The following EYS variants were observed in gnomAD, a reference collection of about 807,000 sequenced individuals.
EYS encodes the protein EGF-like photoreceptor maintenance factor, also known as protein eyes shut homolog.
EYS carries 250 observed loss-of-function variants against 282.1 expected under a neutral mutation model. That is an observed-to-expected ratio of 0.89 (90% CI 0.80 to 0.98). The LOEUF (loss-of-function observed/expected upper bound fraction) is 0.98. Ranked by LOEUF, EYS falls within the 50% of genes least tolerant of loss-of-function variation. The pLI is 0.00. For missense variants in EYS, 4,016 were observed against 3,709.0 expected (o/e 1.08, Z -2.15); for synonymous variants, 1,355 against 1,282.9 (o/e 1.06, Z -1.20).
At chr6:64,256,238 T>G (rs2057163) in intron 30 of EYS, among the ~76,000 whole-genome samples, 104,048 of 151,456 alleles carry the variant, frequency 0.69, 35,744 homozygotes, top group South Asian at 0.71. Flanking sequence ...TAGCTCTTTT[T>G]TCCTTCATAC....
chr6:64,603,841 C>T (rs942684101), intron 24 of EYS, among the ~76,000 whole-genome samples: 11 of 150,060 alleles, frequency 7.3e-5, no homozygotes, highest in Admixed American at 5.4e-4. Context: ...GCTGTGTATA[C>T]TACTAAAGTA....
intron 30 of EYS, among the ~76,000 whole-genome samples, chr6:64,241,434 A>T (rs1179983330): frequency 6.6e-6 from 1 of 152,048 alleles, no homozygotes; most frequent in Non-Finnish European, 1.5e-5. Context: ...TCGACTATTC[A>T]GGGATTTGAC....
At chr6:63,750,921 A>C (rs988042985) in intron 41 of EYS, among the ~76,000 whole-genome samples, 1 of 152,238 alleles carries the variant, frequency 6.6e-6, no homozygotes, top group African/African-American at 2.4e-5. Context: ...GCTGACCTGC[A>C]CTTCTACTTT....
intron 12 of EYS, among the ~76,000 whole-genome samples, chr6:65,225,253 TA>T (rs1247529051): frequency 6.7e-6 from 1 of 149,882 alleles, no homozygotes; most frequent in Admixed American, 6.7e-5. Flanking sequence ...ACAAGAAAAC[TA>T]AAAACTAATT....
chr6:64,607,290 A>T, intron 24 of EYS, among the ~76,000 whole-genome samples: 1 of 142,014 alleles, frequency 7.0e-6, no homozygotes, highest in African/African-American at 2.5e-5. Flanking sequence ...AGTTTTGGTT[A>T]AAAAAAAAAA....
rs1208401176 is a variant in EYS, at chr6:64,571,530, G to A, written c.5644+18693C>T. ...TATTAACAAAATAGATATATCACTA[G>A]CCAGACTAATAAAGAAGAAAAAACA... is the stretch of plus-strand genomic sequence containing the variant. On this transcript the variant is annotated intron_variant, in intron 26 of 42. Transcript: ENST00000503581. Among the ~76,000 whole-genome samples the A allele has an allele frequency of 2.0e-5, 3 of 151,946 alleles. No individual in the cohort carries two copies. In the East Asian group the frequency reaches 5.8e-4, roughly 29 times the overall value.
chr6:65,556,407 GTGTA>G (rs1056708150), intron 2 of EYS, among the ~76,000 whole-genome samples: 10 of 151,616 alleles, frequency 6.6e-5, no homozygotes, highest in Admixed American at 5.3e-4. Flanking sequence ...GTGTGTGTGT[GTGTA>G]TGTGTGACTA....
rs1373014113 is a variant in EYS at position 64,178,177 on chromosome 6, C to T, written c.6424+52415G>A. 2.0e-5 allele frequency among the ~76,000 whole-genome samples: 3 copies of T among 152,144 alleles called. No individual in the cohort carries two copies. The East Asian group carries it at 5.8e-4, about 29-fold the overall frequency. On this transcript the variant is annotated intron_variant, in intron 31 of 42. Coordinates refer to ENST00000503581, the MANE Select transcript of EYS (RefSeq NM_001142800.2). ...GGTGTGAATGTGGATGTATGTTTTA[C>T]TAGAAAGCCCATCTAATTTAGTTTT...
intron 2 of EYS, among the ~76,000 whole-genome samples, chr6:65,592,059 A>G (rs9351513): frequency 0.27 from 40,717 of 151,830 alleles, 5,727 homozygotes; most frequent in East Asian, 0.38. Flanking sequence ...GGCTAATCAT[A>G]CTTAGCATCA....
intron 1 of EYS, among the ~76,000 whole-genome samples, chr6:65,703,658 T>G (rs1252818059): frequency 6.6e-6 from 1 of 151,898 alleles, no homozygotes; most frequent in African/African-American, 2.4e-5. Flanking sequence ...AAGTTACAAC[T>G]CTATGAATGA....
At chr6:63,876,548 A>G (rs905417274) in intron 35 of EYS, among the ~76,000 whole-genome samples, 3 of 152,154 alleles carry the variant, frequency 2.0e-5, no homozygotes, top group Non-Finnish European at 2.9e-5. Flanking sequence ...TGTGTCATGG[A>G]TCTGTCTAAT....
chr6:65,569,811 G>C (rs9363398), intron 2 of EYS, among the ~76,000 whole-genome samples: 36,495 of 152,074 alleles, frequency 0.24, 4,514 homozygotes, highest in East Asian at 0.31. Context: ...AAAAGATCCA[G>C]TCTCTGAATT....
At chr6:63,975,591 A>G in intron 35 of EYS, among the ~76,000 whole-genome samples, 1 of 151,984 alleles carries the variant, frequency 6.6e-6, no homozygotes, top group Middle Eastern at 3.2e-3. Context: ...TTTTTTGCTT[A>G]TCACAACCTT....
intron 35 of EYS, among the ~76,000 whole-genome samples, chr6:63,887,776 C>A (rs1773302349): frequency 6.6e-6 from 1 of 152,046 alleles, no homozygotes; most frequent in South Asian, 2.1e-4. Context: ...TTTTTCATAC[C>A]CCAGTGGTAC....
chr6:65,104,056 A>G (rs1774967570), intron 12 of EYS, among the ~76,000 whole-genome samples: 1 of 151,468 alleles, frequency 6.6e-6, no homozygotes. Flanking sequence ...ATACCTAAGA[A>G]TTAACAACAA....
intron 41 of EYS, among the ~76,000 whole-genome samples, chr6:63,742,246 G>A (rs1359710837): frequency 6.6e-6 from 1 of 151,894 alleles, no homozygotes; most frequent in Non-Finnish European, 1.5e-5. Context: ...TTTTTAAGGT[G>A]ACTCATGCCT....
At chr6:64,190,458 G>C (rs1434272309) in intron 31 of EYS, among the ~76,000 whole-genome samples, 1 of 152,144 alleles carries the variant, frequency 6.6e-6, no homozygotes, top group African/African-American at 2.4e-5. Context: ...TGAAGTGTCA[G>C]AGCATGCAAT....
At chr6:64,584,267 A>G (rs1424231024) in intron 26 of EYS, among the ~76,000 whole-genome samples, 1 of 152,040 alleles carries the variant, frequency 6.6e-6, no homozygotes, top group Non-Finnish European at 1.5e-5. Context: ...TGTGGTGTGC[A>G]TGTATACATG....
At chr6:64,857,354 T>C (rs533039184) in intron 19 of EYS, among the ~76,000 whole-genome samples, 24 of 152,320 alleles carry the variant, frequency 1.6e-4, no homozygotes, top group South Asian at 1.4e-3. Context: ...TGAAATAATG[T>C]GGCATTTGTC....
Sources: gnomAD v4.1 joint callset for allele counts (sites outside exome capture counted in the v4.1 genomes callset) on GRCh38, gnomAD v4.1.1 for gene constraint, MANE v1.5 for transcripts, NCBI Gene and HGNC (gene_info 2026-07-23, HGNC 2026-07-21) for gene names.